TPRG1: variants seen among roughly 807,000 people sequenced by gnomAD.
TPRG1 encodes the protein tumor protein p63 regulated 1.
A neutral mutation model predicts 29.3 loss-of-function variants in TPRG1; 29 were observed. The ratio of observed to expected loss-of-function variants is 0.99; its 90% CI spans 0.74 to 1.35. The LOEUF (loss-of-function observed/expected upper bound fraction) is 1.35, where lower values mean the gene tolerates loss of function less well. Among genes scored for constraint, TPRG1 ranks in the 40% most tolerant of loss-of-function variants. TPRG1 has a pLI of 0.00. For synonymous variants in TPRG1, 130 were observed against 116.8 expected (o/e 1.11, Z -0.73); for missense variants, 327 against 335.0 (o/e 0.98, Z 0.19).
intron 2 of TPRG1, among the ~76,000 whole-genome samples, chr3:189,127,634 C>G (rs1722636809): frequency 6.6e-6 from 1 of 152,126 alleles, no homozygotes; most frequent in Admixed American, 6.5e-5. Flanking sequence ...TGGCTATACT[C>G]CCAGGTAAAG....
intron 4 of TPRG1, among the ~76,000 whole-genome samples, chr3:189,279,151 C>T (rs538349253): frequency 1.0e-3 from 157 of 152,322 alleles, no homozygotes; most frequent in Middle Eastern, 3.4e-3. Context: ...TGAGTGAATA[C>T]ACCTGTGTTC....
At chr3:189,068,615 A>C (rs1447372378) in intron 4 of TPRG1, among the ~76,000 whole-genome samples, 1 of 152,192 alleles carries the variant, frequency 6.6e-6, no homozygotes, top group Non-Finnish European at 1.5e-5. Flanking sequence ...TCTCTACTAA[A>C]AATATAAAAA....
intron 4 of TPRG1, among the ~76,000 whole-genome samples, chr3:189,039,842 T>TG (rs1714519219): frequency 2.0e-4 from 1 of 5,112 alleles, no homozygotes; most frequent in Non-Finnish European, 6.9e-3. Flanking sequence ...CTCACTCCTA[T>TG]TTTTTTTTTT....
intron 4 of TPRG1, among the ~76,000 whole-genome samples, chr3:189,244,622 C>T (rs1741111900): frequency 6.6e-6 from 1 of 152,088 alleles, no homozygotes; most frequent in Non-Finnish European, 1.5e-5. Flanking sequence ...CTTACAAGAA[C>T]TCACTCACTA....
At chr3:189,064,769 A>G (rs796622819) in intron 4 of TPRG1, among the ~76,000 whole-genome samples, 7 of 152,332 alleles carry the variant, frequency 4.6e-5, no homozygotes, top group African/African-American at 1.7e-4. Context: ...TAAATTCAAC[A>G]ACTAAAAAAA....
At chr3:189,022,098 C>T (rs1273354528) in intron 3 of TPRG1, among the ~76,000 whole-genome samples, 1 of 152,110 alleles carries the variant, frequency 6.6e-6, no homozygotes, top group Non-Finnish European at 1.5e-5. Context: ...CCTTTAAGCA[C>T]TTCTCTGTAT....
intron 5 of TPRG1, among the ~76,000 whole-genome samples, chr3:189,155,170 A>G (rs1282410588): frequency 6.6e-6 from 1 of 152,162 alleles, no homozygotes; most frequent in Admixed American, 6.6e-5. Flanking sequence ...GGCCTGGATC[A>G]TGGGGGCCTT....
At chr3:189,101,353 T>C (rs1719175237) in intron 1 of TPRG1, among the ~76,000 whole-genome samples, 1 of 151,954 alleles carries the variant, frequency 6.6e-6, no homozygotes, top group Non-Finnish European at 1.5e-5. Flanking sequence ...TTTTCTTATA[T>C]CCCACATTAC....
intron 4 of TPRG1, among the ~76,000 whole-genome samples, chr3:189,249,952 A>G (rs1741905204): frequency 6.6e-6 from 1 of 152,108 alleles, no homozygotes; most frequent in Non-Finnish European, 1.5e-5. Flanking sequence ...TGTTCATTAA[A>G]TCTCCTTCTA....
intron 4 of TPRG1, among the ~76,000 whole-genome samples, chr3:189,280,688 C>T (rs6805500): frequency 6.6e-6 from 1 of 152,174 alleles, no homozygotes; most frequent in South Asian, 2.1e-4. Flanking sequence ...GACAGATAGC[C>T]TGGGTTAAAG....
At chr3:189,153,848 C>T (rs1399201315) in intron 5 of TPRG1, among the ~76,000 whole-genome samples, 1 of 152,134 alleles carries the variant, frequency 6.6e-6, no homozygotes, top group Non-Finnish European at 1.5e-5. Context: ...TGGACTATGG[C>T]AGAAGACAAG....
intron 3 of TPRG1, among the ~76,000 whole-genome samples, chr3:189,016,371 A>G (rs1712934210): frequency 6.6e-6 from 1 of 152,038 alleles, no homozygotes; most frequent in Non-Finnish European, 1.5e-5. Flanking sequence ...CCTTCTGTAT[A>G]TGAGCCTCTT....
upstream of TPRG1, among the ~76,000 whole-genome samples, chr3:189,098,969 C>T (rs1718884263): frequency 6.6e-6 from 1 of 152,104 alleles, no homozygotes; most frequent in African/African-American, 2.4e-5. Flanking sequence ...CAGCTGCTGC[C>T]CCAAACAAGC....
chr3:189,201,469 G>T (rs553906699), intron 1 of TPRG1, among the ~76,000 whole-genome samples: 1 of 152,274 alleles, frequency 6.6e-6, no homozygotes, highest in South Asian at 2.1e-4. Context: ...CAGCAGCCCA[G>T]AAGGACTTTC....
chr3:189,315,302 G>A (rs1723323725), intron 5 of TPRG1, among the ~76,000 whole-genome samples: 1 of 151,914 alleles, frequency 6.6e-6, no homozygotes, highest in South Asian at 2.1e-4. Context: ...GTGTGTGTGT[G>A]TGTGTGTGTG....
intron 1 of TPRG1, chr3:189,123,665 C>G (rs1000110405): frequency 1.3e-5 from 2 of 152,180 alleles, no homozygotes; most frequent in African/African-American, 4.8e-5. Flanking sequence ...GCAATTAATG[C>G]TAAAAGGAAC....
At chr3:189,019,301 T>C (rs1432913317) in intron 3 of TPRG1, among the ~76,000 whole-genome samples, 1 of 152,162 alleles carries the variant, frequency 6.6e-6, no homozygotes, top group Non-Finnish European at 1.5e-5. Context: ...GGCATCCCTG[T>C]CTTGTGCCAG....
intron 1 of TPRG1, among the ~76,000 whole-genome samples, chr3:189,173,484 C>T (rs1729095269): frequency 6.6e-6 from 1 of 151,706 alleles, no homozygotes; most frequent in African/African-American, 2.4e-5. Context: ...GGATTACAGG[C>T]ATGCACCACC....
At chr3:189,037,545 C>G (rs1297156827) in intron 4 of TPRG1, among the ~76,000 whole-genome samples, 2 of 151,786 alleles carry the variant, frequency 1.3e-5, no homozygotes, top group Non-Finnish European at 1.5e-5. Context: ...AAAGAAGAAA[C>G]TTAAGGTATA....
Sources: allele counts gnomAD v4.1 joint callset (sites outside exome capture counted in the v4.1 genomes callset), GRCh38; gene constraint gnomAD v4.1.1; transcripts MANE v1.5; gene names NCBI Gene and HGNC (gene_info 2026-07-23, HGNC 2026-07-21).